The following CNTNAP2 variants were observed in gnomAD, a reference collection of about 807,000 sequenced individuals.
CNTNAP2 encodes contactin-associated protein-like 2.
A neutral mutation model predicts 155.2 loss-of-function variants in CNTNAP2; 98 were observed. That is an observed-to-expected ratio of 0.63 (90% CI 0.54 to 0.75). The LOEUF (loss-of-function observed/expected upper bound fraction) is 0.75, where lower values mean the gene tolerates loss of function less well. Ranked by LOEUF, CNTNAP2 falls within the 30% of genes least tolerant of loss-of-function variation. CNTNAP2 has a pLI of 0.00. For synonymous variants in CNTNAP2, 651 were observed against 631.2 expected (o/e 1.03, Z -0.47); for missense variants, 1,727 against 1,688.1 (o/e 1.02, Z -0.40).
At chr7:146,636,122 C>A (rs1022162521) in intron 1 of CNTNAP2, among the ~76,000 whole-genome samples, 8 of 148,760 alleles carry the variant, frequency 5.4e-5, no homozygotes, top group Non-Finnish European at 8.9e-5. Flanking sequence ...GAAAACAGAT[C>A]AGTGAATTCC....
intron 1 of CNTNAP2, among the ~76,000 whole-genome samples, chr7:146,352,750 G>GTTTTTTTTTTTTTGTTT (rs1794934999): frequency 3.1e-5 from 2 of 64,312 alleles, no homozygotes; most frequent in East Asian, 9.7e-4. Context: ...GCATAATTCT[G>GTTTTTTTTTTTTTGTTT]TTTTTTTTTT....
At chr7:147,579,134 C>T (rs118139303) in intron 12 of CNTNAP2, among the ~76,000 whole-genome samples, 2,351 of 152,078 alleles carry the variant, frequency 0.015, 29 homozygotes, top group Non-Finnish European at 0.023. Flanking sequence ...ATGTAATGAA[C>T]TGTGTGGTGT....
At chr7:148,098,172 G>A (rs903881700) in intron 15 of CNTNAP2, among the ~76,000 whole-genome samples, 9 of 152,046 alleles carry the variant, frequency 5.9e-5, no homozygotes, top group African/African-American at 7.2e-5. Context: ...GAGGCTGGGC[G>A]CAGTGGCTCA....
intron 8 of CNTNAP2, among the ~76,000 whole-genome samples, chr7:147,155,871 G>A (rs959382826): frequency 6.6e-6 from 1 of 152,114 alleles, no homozygotes; most frequent in Non-Finnish European, 1.5e-5. Context: ...ACCCTGAGGA[G>A]CTTAGATCAG....
intron 8 of CNTNAP2, among the ~76,000 whole-genome samples, chr7:147,166,774 G>T (rs1802122446): frequency 6.6e-6 from 1 of 152,082 alleles, no homozygotes; most frequent in African/African-American, 2.4e-5. Context: ...GTACTCAGTA[G>T]GGGAGCTTTT....
intron 10 of CNTNAP2, among the ~76,000 whole-genome samples, chr7:147,429,718 T>C (rs1280392143): frequency 6.6e-6 from 1 of 152,190 alleles, no homozygotes; most frequent in Non-Finnish European, 1.5e-5. Context: ...CTTTGATCCA[T>C]CTTGAGTTGA....
intron 21 of CNTNAP2, among the ~76,000 whole-genome samples, chr7:148,291,163 C>T (rs957788315): frequency 6.6e-6 from 1 of 151,966 alleles, no homozygotes; most frequent in African/African-American, 2.4e-5. Context: ...TCTAGATATT[C>T]AGAGGCCGTA....
chr7:146,711,410 T>G (rs566525127), intron 1 of CNTNAP2, among the ~76,000 whole-genome samples: 5 of 147,320 alleles, frequency 3.4e-5, no homozygotes, highest in Non-Finnish European at 7.5e-5. Flanking sequence ...TAATATATAC[T>G]ATGTAATATA....
At chr7:148,057,430 C>G (rs1409565433) in intron 15 of CNTNAP2, among the ~76,000 whole-genome samples, 3 of 152,124 alleles carry the variant, frequency 2.0e-5, no homozygotes, top group African/African-American at 7.2e-5. Flanking sequence ...TGAGGTCTCA[C>G]TAAATTCGAG....
chr7:146,653,689 C>G lies in CNTNAP2; in HGVS notation c.98-120582C>G, dbSNP rs1799951829. ...AAAGTTTTCTTCAGTACCCTTGTAT[C>G]ATCATGACTTGGGAAAATCATCTTA... On this transcript the variant is annotated intron_variant, in intron 1 of 23. Transcript: ENST00000361727. Among the ~76,000 whole-genome samples the G allele has an allele frequency of 2.6e-5, 4 of 152,286 alleles. No individual in the cohort carries two copies. In the South Asian group the frequency reaches 8.3e-4, roughly 32 times the overall value.
chr7:147,982,285 G>A (rs780823598), intron 15 of CNTNAP2, among the ~76,000 whole-genome samples: 7 of 140,102 alleles, frequency 5.0e-5, no homozygotes, highest in Non-Finnish European at 1.1e-4. Flanking sequence ...GAGCAAGTTT[G>A]TCAGAACCAT....
chr7:148,402,300 T>C lies in CNTNAP2; in HGVS notation c.3716-7091T>C, dbSNP rs989984172. Among the ~76,000 whole-genome samples, 4 of 150,400 alleles carry C rather than the reference T, an allele frequency of 2.7e-5. No homozygotes were observed. The East Asian group carries it at 5.8e-4, about 22-fold the overall frequency. ...CACAATCACCTTCCCCTGTTTGAAA[T>C]TGGAAATGCTGGCTGGCTACTTTTT... On this transcript the variant is annotated intron_variant, in intron 22 of 23. Coordinates refer to ENST00000361727, the MANE Select transcript of CNTNAP2 (RefSeq NM_014141.6).
chr7:146,553,777 T>TA (rs111572722), intron 1 of CNTNAP2, among the ~76,000 whole-genome samples: 22 of 149,930 alleles, frequency 1.5e-4, no homozygotes, highest in African/African-American at 3.4e-4. Flanking sequence ...TTTTGTTTCT[T>TA]AAAAAAAAAA....
chr7:148,168,871 C>G (rs1318282907), intron 17 of CNTNAP2, among the ~76,000 whole-genome samples: 1 of 152,118 alleles, frequency 6.6e-6, no homozygotes, highest in East Asian at 1.9e-4. Context: ...AGCAAAATCA[C>G]AAACATGTTA....
At chr7:146,266,385 A>G (rs974413589) in intron 1 of CNTNAP2, among the ~76,000 whole-genome samples, 1 of 152,176 alleles carries the variant, frequency 6.6e-6, no homozygotes, top group Non-Finnish European at 1.5e-5. Flanking sequence ...ATTAACTCTT[A>G]AAAAATTCTG....
intron 1 of CNTNAP2, among the ~76,000 whole-genome samples, chr7:146,719,570 T>C (rs7777225): frequency 0.17 from 26,383 of 152,092 alleles, 4,461 homozygotes; most frequent in African/African-American, 0.44. Flanking sequence ...TTGAGAACAT[T>C]GGAGTTTTTT....
rs188991205 is a variant in CNTNAP2, at chr7:146,523,748, G to A, written c.98-250523G>A. 4.6e-5 allele frequency among the ~76,000 whole-genome samples: 7 copies of A among 152,188 alleles called. No homozygotes were observed. In the East Asian group the frequency reaches 1.2e-3, roughly 25 times the overall value. The stretch of plus-strand genomic sequence containing the variant: ...GCTTCAGATTATTAAAGTTTCAACA[G>A]CAACCCTGTCGAACTATTGGCTAAT... On this transcript the variant is annotated intron_variant, in intron 1 of 23. Coordinates refer to ENST00000361727, the MANE Select transcript of CNTNAP2 (RefSeq NM_014141.6).
intron 13 of CNTNAP2, among the ~76,000 whole-genome samples, chr7:147,895,280 TTTTTTTAAGTAAGTC>T (rs981278882): frequency 6.6e-6 from 1 of 152,052 alleles, no homozygotes; most frequent in Non-Finnish European, 1.5e-5. Flanking sequence ...AGCTTATTGG[TTTTTTTAAGTAAGTC>T]TTGGAAAACT....
chr7:148,259,530 A>T (rs778447010), intron 20 of CNTNAP2, among the ~76,000 whole-genome samples: 8 of 152,164 alleles, frequency 5.3e-5, no homozygotes, highest in Non-Finnish European at 1.2e-4. Context: ...ACAGCAAGAA[A>T]TCCTAGGCCT....
Sources: allele counts gnomAD v4.1 joint callset (sites outside exome capture counted in the v4.1 genomes callset), GRCh38; gene constraint gnomAD v4.1.1; transcripts MANE v1.5; gene names NCBI Gene and HGNC (gene_info 2026-07-23, HGNC 2026-07-21).